CYP11B1: variants seen among roughly 807,000 people sequenced by gnomAD.
CYP11B1 encodes the protein cytochrome P450 11B1, mitochondrial.
Under a neutral mutation model 48.3 loss-of-function variants are expected in CYP11B1, and 34 were observed. The observed-to-expected ratio is 0.70, with a 90% CI of 0.54 to 0.94. The LOEUF (loss-of-function observed/expected upper bound fraction) is 0.94. Among genes scored for constraint, CYP11B1 ranks in the 40% least tolerant of loss-of-function variants. CYP11B1 has a pLI of 0.00. For synonymous variants in CYP11B1, 291 were observed against 262.5 expected (o/e 1.11, Z -1.05); for missense variants, 688 against 657.4 (o/e 1.05, Z -0.51).
rs575680650 is a variant in CYP11B1 at position 142,873,992 on chromosome 8, G to A, written c.*381C>T. ...GTCTGCGCAGGGGCCCTGGCCAGGG[G>A]AAGAGGAACAGGGACATGTGAGACT... is the stretch of plus-strand genomic sequence containing the variant. On this transcript the variant is annotated 3_prime_UTR_variant, in exon 9 of 9. Coordinates refer to ENST00000292427, the MANE Select transcript of CYP11B1 (RefSeq NM_000497.4). 6 of 338,792 alleles carry A rather than the reference G, an allele frequency of 1.8e-5. No homozygotes were observed. Among genetic ancestry groups the A allele is most frequent in the Non-Finnish European group, 3.4e-5 (6 of 174,108 alleles). 21.0% of individuals were successfully genotyped at this position (338,792 alleles called of 1,614,324 possible).
rs1816893196 is a variant in CYP11B1, at chr8:142,875,102, G to A, written c.1253C>T (p.Pro418Leu). The A allele has an allele frequency of 3.1e-6, 5 of 1,614,262 alleles. No homozygotes were observed. The highest frequency in any genetic ancestry group is 1.3e-5 in the African/African-American group (1 of 75,072). Residue 418 changes from proline to leucine, a missense_variant, in exon 8 of 9, where the codon CCG becomes CTG. Pro to Leu is a moderately conservative substitution (Grantham distance 98). Transcript: ENST00000292427. The part of the protein sequence containing the change: ...YSLGRNPALF[P>L]RPERYNPQRW... ...CTGGGGGTTATAGCGCTCAGGCCTC[G>A]GGAACAAGGCGGGGTTGCGACCCAG... is the stretch of plus-strand genomic sequence containing the variant.
chr8:142,875,796 G>C lies in CYP11B1; in HGVS notation c.1037C>G (p.Ala346Gly). The change falls in exon 6 of 9, where the codon GCC becomes GGC. Residue 346 changes from alanine to glycine, a missense_variant. Coordinates refer to ENST00000292427, the MANE Select transcript of CYP11B1 (RefSeq NM_000497.4). ...ATGTTCACTGATGCTGGCTGCGGCG[G>C]CCAGGCTCTCCTGGCGCAGGGCCTG... ...VQQALRQESL[A>G]AAASISEHPQ... The C allele has an allele frequency of 1.2e-6, 2 of 1,614,106 alleles. No homozygotes were observed. Among genetic ancestry groups the C allele is most frequent in the Non-Finnish European group, 1.7e-6 (2 of 1,180,014 alleles).
In CYP11B1 at chr8:142,874,986, C is replaced by G. The variant is rs1159023139; in HGVS notation, c.1369G>C (p.Glu457Gln). 1.2e-6 allele frequency: 2 copies of G among 1,614,076 alleles called. No individual in the cohort carries two copies. Among genetic ancestry groups the G allele is most frequent in the Admixed American group, 3.3e-5 (2 of 60,028 alleles). Reference protein sequence around the residue: ...MRQCLGRRLAEAEMLLLLHHV... With the variant: ...MRQCLGRRLAQAEMLLLLHHV... ...TGCAGCAGCAGCAGCATCTCTGCCTCTGCCAGGCGCCGCCCAAGGCACTGG... is the reference window on the plus strand; with the variant it reads ...TGCAGCAGCAGCAGCATCTCTGCCTGTGCCAGGCGCCGCCCAAGGCACTGG... The change falls in exon 8 of 9, where the codon GAG (glutamate) becomes CAG (glutamine). Residue 457 changes from glutamate (E) to glutamine (Q), a missense_variant. Coordinates refer to ENST00000292427, the MANE Select transcript of CYP11B1 (RefSeq NM_000497.4).
intron 4 of CYP11B1, 36 bp from the exon 5 acceptor site, chr8:142,876,431 G>A: frequency 6.2e-7 from 1 of 1,601,954 alleles, no homozygotes; most frequent in Non-Finnish European, 8.5e-7. Flanking sequence ...TCAGACTTTG[G>A]TGCTGGGAGA....
chr8:142,876,131 G>T (rs956330489), intron 5 of CYP11B1, 110 bp downstream of exon 5: 11 of 1,442,098 alleles, frequency 7.6e-6, no homozygotes, highest in South Asian at 1.2e-5. Context: ...GAAATGTGGG[G>T]CCCATAGCCT....
At position 142,879,819 on chromosome 8, in the gene CYP11B1, T is replaced by C; in HGVS notation, c.-6A>G. The C allele has an allele frequency of 1.2e-6, 2 of 1,613,010 alleles. No individual in the cohort carries two copies. Among genetic ancestry groups the C allele is most frequent in the Non-Finnish European group, 1.7e-6 (2 of 1,179,692 alleles). On this transcript the variant is annotated 5_prime_UTR_variant, in exon 1 of 9. Transcript: ENST00000292427. ...GCCTTTGCCCTGAGTGCCATTCCAA[T>C]GCTCCCTCCACCCTGTTCAGCTGCA...
intron 2 of CYP11B1, among the ~76,000 whole-genome samples, chr8:142,878,736 G>T (rs999753975): frequency 1.3e-5 from 2 of 152,166 alleles, no homozygotes; most frequent in Non-Finnish European, 2.9e-5. Context: ...TCCCCAGACC[G>T]CAAGAGAAAG....
At position 142,879,162 on chromosome 8, in the gene CYP11B1, C is replaced by A. The variant is rs746948389; in HGVS notation, c.265G>T (p.Val89Leu). 6 of 1,613,946 alleles carry A rather than the reference C, an allele frequency of 3.7e-6. No individual in the cohort carries two copies. In the South Asian group the frequency reaches 6.6e-5, roughly 18 times the overall value. Reference sequence around the variant, plus strand: ...ACGTCCTCCGGCAGCATCACACACACCATGCCTGCTCCTCCCAAGTCGTAC... The same window carrying A: ...ACGTCCTCCGGCAGCATCACACACAACATGCCTGCTCCTCCCAAGTCGTAC... ...FRYDLGGAGMVCVMLPEDVEK... is the reference protein window; with the variant it reads ...FRYDLGGAGMLCVMLPEDVEK... Residue 89 changes from valine (V) to leucine (L), a missense_variant, in exon 2 of 9, where the codon GTG (valine) becomes TTG (leucine). Transcript: ENST00000292427.
Position 142,875,067 on chromosome 8 carries a change from C to T in CYP11B1, c.1288G>A (p.Asp430Asn). Residue 430 changes from aspartate (D) to asparagine (N), a missense_variant, in exon 8 of 9, where the codon GAC (aspartate) becomes AAC (asparagine). By Grantham distance (23) the Asp-to-Asn change is conservative. Transcript: ENST00000292427. Reference protein sequence around the residue: ...PERYNPQRWLDIRGSGRNFYH... With the variant: ...PERYNPQRWLNIRGSGRNFYH... The stretch of plus-strand genomic sequence containing the variant: ...AAGTTCCTGCCGGAGCCCCTGATGT[C>T]TAGCCAGCGCTGGGGGTTATAGCGC... 6.2e-7 allele frequency: 1 copy of T among 1,614,252 alleles called. No individual in the cohort carries two copies. Among genetic ancestry groups the T allele is most frequent in the South Asian group, 1.1e-5 (1 of 91,086 alleles).
At chr8:142,877,785 G>A (rs768779206) in intron 2 of CYP11B1, 3 of 1,596,888 alleles carry the variant, frequency 1.9e-6, no homozygotes, top group East Asian at 4.5e-5. Flanking sequence ...GGGGCTCCAT[G>A]GATGCCCCCA....
At chr8:142,877,918 A>AG in intron 2 of CYP11B1, 2 of 1,135,552 alleles carry the variant, frequency 1.8e-6, no homozygotes, top group Non-Finnish European at 2.6e-6. Context: ...GCACATGCTC[A>AG]CATGCGCCCA....
rs887141192 is a variant in CYP11B1 at position 142,877,156 on chromosome 8, C to T, written c.462G>A (p.Val154=). The stretch of plus-strand genomic sequence containing the variant: ...CATCCACCATCGGGAGGAACCTCTG[C>T]ACAGCGTTGGGCGACAGCACTTCTG... ...LNPEVLSPNA[V]QRFLPMVDAV... The change falls in exon 3 of 9, where the codon GTG becomes GTA. Residue 154 remains valine (V), a synonymous_variant. Coordinates refer to ENST00000292427, the MANE Select transcript of CYP11B1 (RefSeq NM_000497.4). 1.9e-6 allele frequency: 3 copies of T among 1,614,224 alleles called. No homozygotes were observed. Among genetic ancestry groups the T allele is most frequent in the Non-Finnish European group, 2.5e-6 (3 of 1,180,038 alleles).
chr8:142,879,448 C>T, intron 1 of CYP11B1, 127 bp downstream of exon 1: 1 of 1,613,746 alleles, frequency 6.2e-7, no homozygotes, highest in Non-Finnish European at 8.5e-7. Context: ...TGCACTCCTT[C>T]CCCATCTTCC....
At position 142,874,850 on chromosome 8, in the gene CYP11B1, A is replaced by G. The variant is rs1816881221; in HGVS notation, c.1398+107T>C. 13 of 1,388,952 alleles carry G rather than the reference A, an allele frequency of 9.4e-6. No homozygotes were observed. The South Asian group carries it at 1.4e-4, about 15-fold the overall frequency. The allele number at this position is 1,388,952 out of a possible 1,614,324, so 86.0% of individuals were successfully genotyped here. A position where few individuals can be genotyped will look rare whatever the true frequency, so the allele number is the denominator to read the frequency against. ...AGTACCGGCTCTGCCCAGTCCAGGA[A>G]ACATGCAGGCCACTCCCACTCTGCC... On this transcript the variant is annotated intron_variant, in intron 8 of 8. Coordinates refer to ENST00000292427, the MANE Select transcript of CYP11B1 (RefSeq NM_000497.4).
Position 142,875,035 on chromosome 8 carries a change from G to A in CYP11B1, c.1320C>T (p.His440=), listed in dbSNP as rs745610620. The change falls in exon 8 of 9, where the codon CAC becomes CAT. Residue 440 remains histidine, a synonymous_variant. Coordinates refer to ENST00000292427, the MANE Select transcript of CYP11B1 (RefSeq NM_000497.4). ...DIRGSGRNFY[H]VPFGFGMRQC... ...GGCGCATGCCAAAGCCAAAGGGCACGTGGTAGAAGTTCCTGCCGGAGCCCC... is the reference window on the plus strand; with the variant it reads ...GGCGCATGCCAAAGCCAAAGGGCACATGGTAGAAGTTCCTGCCGGAGCCCC... 1.7e-5 allele frequency: 28 copies of A among 1,614,258 alleles called. No homozygotes were observed. Among genetic ancestry groups the A allele is most frequent in the South Asian group, 4.4e-5 (4 of 91,090 alleles).
In CYP11B1 at chr8:142,876,272, G is replaced by A; in HGVS notation, c.923C>T (p.Ser308Phe). The A allele has an allele frequency of 6.2e-7, 1 of 1,614,252 alleles. No individual in the cohort carries two copies. Among genetic ancestry groups the A allele is most frequent in the Non-Finnish European group, 8.5e-7 (1 of 1,180,046 alleles). Reference protein sequence around the residue: ...ELSPDAIKANSMELTAGSVDT... With the variant: ...ELSPDAIKANFMELTAGSVDT... ...CACGCTCCCTGCAGTGAGTTCCATA[G>A]AGTTGGCCTTGATGGCATCTGGCGA... Residue 308 changes from serine (S) to phenylalanine (F), a missense_variant, in exon 5 of 9, where the codon TCT becomes TTT. Coordinates refer to ENST00000292427, the MANE Select transcript of CYP11B1 (RefSeq NM_000497.4).
At position 142,874,400 on chromosome 8, in the gene CYP11B1, G is replaced by T. The variant is rs1477620628; in HGVS notation, c.1485C>A (p.Pro495=). 6.2e-7 allele frequency: 1 copy of T among 1,613,704 alleles called. No individual in the cohort carries two copies. ...AGTTGATGGCTCTGAAGGTGAGGAGGGGGAACATGCTGGGCCTCAATATGA... is the reference window on the plus strand; with the variant it reads ...AGTTGATGGCTCTGAAGGTGAGGAGTGGGAACATGCTGGGCCTCAATATGA... ...YSFILRPSMF[P]LLTFRAIN The change falls in exon 9 of 9, where the codon CCC becomes CCA. Residue 495 remains proline (P), a synonymous_variant. Transcript: ENST00000292427.
At chr8:142,875,408 G>T (rs1361080164) in intron 6 of CYP11B1, 96 bp from the exon 7 acceptor site, 1 of 1,384,318 alleles carries the variant, frequency 7.2e-7, no homozygotes, top group Admixed American at 2.0e-5. Context: ...AGAGGTCCCA[G>T]ATCCATGGGA....
Position 142,873,973 on chromosome 8 carries a change from G to T in CYP11B1, c.*400C>A, listed in dbSNP as rs61752801. ...CCGCTTAATGACTCTGACAGTCTGC[G>T]CAGGGGCCCTGGCCAGGGGAAGAGG... On this transcript the variant is annotated 3_prime_UTR_variant, in exon 9 of 9. Coordinates refer to ENST00000292427, the MANE Select transcript of CYP11B1 (RefSeq NM_000497.4). The T allele has an allele frequency of 5.2e-5, 17 of 325,596 alleles. No homozygotes were observed. The highest frequency in any genetic ancestry group is 3.0e-4 in the African/African-American group (14 of 46,774). 20.2% of individuals were successfully genotyped at this position (325,596 alleles called of 1,614,324 possible).
Sources: gnomAD v4.1 joint callset for allele counts (sites outside exome capture counted in the v4.1 genomes callset) on GRCh38, gnomAD v4.1.1 for gene constraint, MANE v1.5 for transcripts, NCBI Gene and HGNC (gene_info 2026-07-23, HGNC 2026-07-21) for gene names.